Variants in ARL6IP4 observed in about 807,000 individuals in gnomAD.
The protein encoded by ARL6IP4 is ARF like GTPase 6 interacting protein 4, also known as ADP-ribosylation factor-like protein 6-interacting protein 4.
Under a neutral mutation model 28.1 loss-of-function variants are expected in ARL6IP4, and 24 were observed. The ratio of observed to expected loss-of-function variants is 0.86; its 90% confidence interval spans 0.62 to 1.20. The LOEUF (loss-of-function observed/expected upper bound fraction) is 1.20, where lower values mean the gene tolerates loss of function less well. ARL6IP4 is among the 50% of genes most tolerant of loss of function. The probability of loss-of-function intolerance (pLI) is 0.00; values close to 1 mark genes in which losing one functional copy is unlikely to be tolerated. For missense variants in ARL6IP4, 343 were observed against 302.4 expected (o/e 1.13, Z -1.00); for synonymous variants, 162 against 122.3 (o/e 1.32, Z -2.14).
upstream of ARL6IP4, chr12:122,980,437 G>T: frequency 7.4e-7 from 1 of 1,360,328 alleles, no homozygotes. Context: ...CGCGAGGGTC[G>T]CCTTCTTCCC....
chr12:122,980,272 C>A (rs2037581490), upstream of ARL6IP4: 5 of 1,249,894 alleles, frequency 4.0e-6, no homozygotes, highest in African/African-American at 1.5e-5. Flanking sequence ...GGGGTCCATG[C>A]CCGCGCTCAC....
At position 122,981,113 on chromosome 12, in the gene ARL6IP4, T is replaced by A. The variant is rs765432511; in HGVS notation, c.-11-16T>A. The A allele has an allele frequency of 6.5e-6, 10 of 1,546,054 alleles. No homozygotes were observed. Among genetic ancestry groups the A allele is most frequent in the Admixed American group, 5.9e-5 (3 of 50,618 alleles). On this transcript the variant is annotated splice_polypyrimidine_tract_variant and intron_variant, in intron 1 of 5. Coordinates refer to ENST00000315580, the MANE Select transcript of ARL6IP4 (RefSeq NM_018694.4). The stretch of plus-strand genomic sequence containing the variant: ...CCTTGGGGGCTTCGGCTCAAGCGCG[T>A]CTTCTTCGTCGCCAGCCCGCGGCGC...
upstream of ARL6IP4, chr12:122,980,617 C>G: frequency 1.4e-6 from 2 of 1,411,114 alleles, no homozygotes; most frequent in Non-Finnish European, 1.8e-6. Context: ...GGCGTCAGAA[C>G]GAAAGGCAGC....
chr12:122,980,464 G>C (rs1179728735), upstream of ARL6IP4: 3 of 1,361,590 alleles, frequency 2.2e-6, no homozygotes, highest in Non-Finnish European at 2.8e-6. Context: ...CCGGGGGCGT[G>C]GGTGCTGCGG....
In ARL6IP4 at chr12:122,982,829, G is replaced by A. The variant is rs1258893661; in HGVS notation, c.*153G>A. On this transcript the variant is annotated 3_prime_UTR_variant, in exon 6 of 6. Coordinates refer to ENST00000315580, the MANE Select transcript of ARL6IP4 (RefSeq NM_018694.4). The stretch of plus-strand genomic sequence containing the variant: ...AGTCTCTTCTCAGGGGCAGGGGGTG[G>A]AGGTTGGGGTCACCGGCCTGCTTGG... The A allele has an allele frequency of 7.6e-6, 6 of 793,052 alleles. No homozygotes were observed. In the African/African-American group the frequency reaches 1.0e-4, roughly 14 times the overall value. The allele number at this position is 793,052 out of a possible 1,614,324, so 49.1% of individuals were successfully genotyped here. A position where few individuals can be genotyped will look rare whatever the true frequency, so the allele number is the denominator to read the frequency against.
chr12:122,980,532 A>G, upstream of ARL6IP4: 2 of 1,367,848 alleles, frequency 1.5e-6, no homozygotes, highest in Non-Finnish European at 1.9e-6. Flanking sequence ...CACAGGCGTG[A>G]GGGGCTGCGG....
intron 5 of ARL6IP4, 36 bp downstream of exon 5, chr12:122,982,574 GCT>G (rs1339696107): frequency 2.5e-6 from 4 of 1,614,138 alleles, no homozygotes; most frequent in South Asian, 1.1e-5. Context: ...TCCGCCCCCA[GCT>G]CTGTTTGTGA....
At position 122,981,617 on chromosome 12, in the gene ARL6IP4, G is replaced by A; in HGVS notation, c.207G>A (p.Arg69=). The change falls in exon 3 of 6, where the codon CGG becomes CGA. Residue 69 remains arginine, a synonymous_variant. Transcript: ENST00000315580. ...CITERSKQKA[R]RRTRSSSSSS... is the part of the protein sequence containing the mutation. ...CAGAGAGAAGCAAGCAGAAGGCCCG[G>A]AGGAGAACAAGATCCAGCTCCTCCT... 4.5e-6 allele frequency: 7 copies of A among 1,562,330 alleles called. No homozygotes were observed. Among genetic ancestry groups the A allele is most frequent in the Non-Finnish European group, 6.1e-6 (7 of 1,155,376 alleles).
At chr12:122,980,270 T>C (rs2037581231), upstream of ARL6IP4, 3 of 1,248,978 alleles carry the variant, frequency 2.4e-6, no homozygotes, top group Non-Finnish European at 3.0e-6. Context: ...CTGGGGTCCA[T>C]GCCCGCGCTC....
In ARL6IP4 at chr12:122,981,290, G is replaced by A; in HGVS notation, c.151G>A (p.Gly51Arg). ...AGGTCGCAAGGCCAGCACGGCCCCT[G>A]GGGCGGAGGGTGAGGACCACAGGCA... ...SQGRKASTAPGAEASPSPCIT... is the reference protein window; with the variant it reads ...SQGRKASTAPRAEASPSPCIT... Residue 51 changes from glycine to arginine, a missense_variant, in exon 2 of 6, where the codon GGG (glycine) becomes AGG (arginine). By Grantham distance (125) the Gly-to-Arg change is moderately radical (BLOSUM62 -2). Coordinates refer to ENST00000315580, the MANE Select transcript of ARL6IP4 (RefSeq NM_018694.4). 6.5e-7 allele frequency: 1 copy of A among 1,547,832 alleles called. No individual in the cohort carries two copies. The highest frequency in any genetic ancestry group is 8.7e-7 in the Non-Finnish European group (1 of 1,145,432).
intron 1 of ARL6IP4, 183 bp from the exon 2 acceptor site, chr12:122,980,946 G>T (rs1488447637): frequency 1.4e-6 from 2 of 1,387,944 alleles, no homozygotes; most frequent in South Asian, 3.3e-5. Context: ...CCGCTGCGGG[G>T]ACTGGAGTCG....
At chr12:122,980,389 T>G, upstream of ARL6IP4, 2 of 1,344,958 alleles carry the variant, frequency 1.5e-6, no homozygotes, top group Non-Finnish European at 1.9e-6. Flanking sequence ...CGCAGTCGTA[T>G]GGAGAGGGCA....
At position 122,982,888 on chromosome 12, in the gene ARL6IP4, A is replaced by G; in HGVS notation, c.*212A>G. The G allele has an allele frequency of 1.6e-6, 1 of 606,224 alleles. No homozygotes were observed. Among genetic ancestry groups the G allele is most frequent in the South Asian group, 2.0e-5 (1 of 50,782 alleles). 37.6% of individuals were successfully genotyped at this position (606,224 alleles called of 1,614,324 possible). A position where few individuals can be genotyped will look rare whatever the true frequency, so the allele number is the denominator to read the frequency against. ...TCTGAAAGAGCAGCACTTCTCAGCT[A>G]TTAAAGGCCCCCTGGATAGACTTTC... On this transcript the variant is annotated 3_prime_UTR_variant, in exon 6 of 6. Transcript: ENST00000315580.
chr12:122,980,756 A>C lies in ARL6IP4; in HGVS notation c.-12+11A>C. 7.6e-7 allele frequency: 1 copy of C among 1,316,088 alleles called. No individual in the cohort carries two copies. The highest frequency in any genetic ancestry group is 9.6e-7 in the Non-Finnish European group (1 of 1,037,604). 81.5% of individuals were successfully genotyped at this position (1,316,088 alleles called of 1,614,324 possible). ...CGCAGGGCGGTCGAGGTGGGAACGG[A>C]GCAGCCCCGGGGGCCCCCTTGAGGC... On this transcript the variant is annotated intron_variant, in intron 1 of 5. Transcript: ENST00000315580.
chr12:122,981,754 A>T lies in ARL6IP4; in HGVS notation c.344A>T (p.Lys115Met). The T allele has an allele frequency of 6.4e-7, 1 of 1,552,548 alleles. No homozygotes were observed. Among genetic ancestry groups the T allele is most frequent in the Non-Finnish European group, 8.7e-7 (1 of 1,146,802 alleles). Residue 115 changes from lysine (K) to methionine (M), a missense_variant, in exon 3 of 6, where the codon AAG (lysine) becomes ATG (methionine). Physicochemically the swap from Lys to Met is moderately conservative, Grantham distance 95. Transcript: ENST00000315580. ...GKYKDKRRKKKKKRKKLKKKG... is the reference protein window; with the variant it reads ...GKYKDKRRKKMKKRKKLKKKG... The stretch of plus-strand genomic sequence containing the variant: ...TACAAGGACAAGAGGAGGAAGAAGA[A>T]GAAGAAGAGGAAGAAGCTGAAGAAG...
intron 4 of ARL6IP4, 74 bp downstream of exon 4, chr12:122,982,148 GTGGGGCCGGGCGGGGTTCC>G: frequency 1.3e-6 from 2 of 1,540,696 alleles, no homozygotes; most frequent in Non-Finnish European, 1.8e-6. Flanking sequence ...CTCGGGAGGA[GTGGGGCCGGGCGGGGTTCC>G]TGGTGCCTGA....
chr12:122,981,853 C>G lies in ARL6IP4; in HGVS notation c.443C>G (p.Ser148Ter). The G allele has an allele frequency of 3.7e-6, 6 of 1,610,606 alleles. No homozygotes were observed. The highest frequency in any genetic ancestry group is 5.1e-6 in the Non-Finnish European group (6 of 1,177,960). ...PGPSLDQWHRSAGEEEDGPVL... is the reference protein window; with the variant it reads ...PGPSLDQWHR ...CCCTCGCTGGACCAGTGGCACCGATCAGCTGGGGAGGAAGAGGATGGCCCA... is the reference window on the plus strand; with the variant it reads ...CCCTCGCTGGACCAGTGGCACCGATGAGCTGGGGAGGAAGAGGATGGCCCA... Residue 148 changes from serine (S) to a stop codon, truncating the protein, a stop_gained, in exon 3 of 6, where the codon TCA becomes TGA. Coordinates refer to ENST00000315580, the MANE Select transcript of ARL6IP4 (RefSeq NM_018694.4). LOFTEE classifies it high-confidence loss of function.
chr12:122,981,284 G>A lies in ARL6IP4; in HGVS notation c.145G>A (p.Ala49Thr), dbSNP rs1449671656. Residue 49 changes from alanine to threonine, a missense_variant, in exon 2 of 6, where the codon GCC becomes ACC. Ala to Thr is a moderately conservative substitution (Grantham distance 58). Coordinates refer to ENST00000315580, the MANE Select transcript of ARL6IP4 (RefSeq NM_018694.4). Reference sequence around the variant, plus strand: ...ATCCCAAGGTCGCAAGGCCAGCACGGCCCCTGGGGCGGAGGGTGAGGACCA... The same window carrying A: ...ATCCCAAGGTCGCAAGGCCAGCACGACCCCTGGGGCGGAGGGTGAGGACCA... ...STSQGRKASTAPGAEASPSPC... is the reference protein window; with the variant it reads ...STSQGRKASTTPGAEASPSPC... 1.3e-6 allele frequency: 2 copies of A among 1,548,126 alleles called. No individual in the cohort carries two copies. Among genetic ancestry groups the A allele is most frequent in the Non-Finnish European group, 1.7e-6 (2 of 1,145,668 alleles).
Position 122,980,704 on chromosome 12 carries a change from AG to A in ARL6IP4, c.-52del. On this transcript the variant is annotated 5_prime_UTR_variant, in exon 1 of 6. Coordinates refer to ENST00000315580, the MANE Select transcript of ARL6IP4 (RefSeq NM_018694.4). ...GCCTCCTCGCCGCCGCTTCCTCTCG[AG>A]AAGGCGCGGGGCGGGCTGTCCGGCC... 2 of 1,332,874 alleles carry A rather than the reference AG, an allele frequency of 1.5e-6. No homozygotes were observed. Among genetic ancestry groups the A allele is most frequent in the Non-Finnish European group, 1.9e-6 (2 of 1,046,490 alleles). 82.6% of individuals were successfully genotyped at this position (1,332,874 alleles called of 1,614,324 possible).
Sources: allele counts gnomAD v4.1 joint callset, GRCh38; gene constraint gnomAD v4.1.1; transcripts MANE v1.5; gene names NCBI Gene and HGNC (gene_info 2026-07-23, HGNC 2026-07-21).